Variants in SCUBE1 observed in about 807,000 individuals in gnomAD.
The protein encoded by SCUBE1 is signal peptide, CUB domain and EGF like domain containing 1, also known as signal peptide, CUB and EGF-like domain-containing protein 1.
In SCUBE1, 59 loss-of-function variants were observed where a neutral mutation model predicts 124.4. That is an observed-to-expected ratio of 0.47 (90% CI 0.38 to 0.59). SCUBE1 has a LOEUF of 0.59. Ranked by LOEUF, SCUBE1 falls within the 20% of genes least tolerant of loss-of-function variation. SCUBE1 has a pLI of 0.00. For missense variants in SCUBE1, 1,150 were observed against 1,371.2 expected (o/e 0.84, Z 2.55); for synonymous variants, 545 against 550.9 (o/e 0.99, Z 0.15).
At chr22:43,342,441 G>C (rs73166125) in intron 1 of SCUBE1, among the ~76,000 whole-genome samples, 15 of 151,990 alleles carry the variant, frequency 9.9e-5, no homozygotes, top group African/African-American at 3.6e-4. Flanking sequence ...GACGGTCCCG[G>C]TCCCTCGTCT....
rs1456363436 is a variant in SCUBE1, at chr22:43,258,815, T to C, written c.611-480A>G. 6.6e-6 allele frequency among the ~76,000 whole-genome samples: 1 copy of C among 152,144 alleles called. No individual in the cohort carries two copies. Among genetic ancestry groups the C allele is most frequent in the Admixed American group, 6.5e-5 (1 of 15,276 alleles). On this transcript the variant is annotated intron_variant, in intron 5 of 21. Coordinates refer to ENST00000360835, the MANE Select transcript of SCUBE1 (RefSeq NM_173050.5). This position sits in a 1 kb window ranked among gnomAD's most constrained non-coding sequence, Gnocchi z 5.0. ...AGAGCTTTCCTTCCTCTGCCTGTCT[T>C]GGGGTGTGTGGATGTCTCCACGGAG...
chr22:43,211,228 C>T lies in SCUBE1; in HGVS notation c.2222-145G>A. The T allele has an allele frequency of 6.4e-6, 5 of 776,156 alleles. No individual in the cohort carries two copies. The South Asian group carries it at 7.2e-5, about 11-fold the overall frequency. 48.1% of individuals were successfully genotyped at this position (776,156 alleles called of 1,614,324 possible). ...GCTCCTCCCCACCGCCCCATGACCTCCCACCACCCTCACTCCGCCATGGCC... is the reference window on the plus strand; with the variant it reads ...GCTCCTCCCCACCGCCCCATGACCTTCCACCACCCTCACTCCGCCATGGCC... On this transcript the variant is annotated intron_variant, in intron 17 of 21. Transcript: ENST00000360835. The surrounding 1 kb of genome is among the most constrained non-coding windows in gnomAD (Gnocchi z 4.5).
chr22:43,306,015 T>A (rs1362582072), intron 3 of SCUBE1, among the ~76,000 whole-genome samples: 1 of 152,170 alleles, frequency 6.6e-6, no homozygotes, highest in East Asian at 1.9e-4. Context: ...TAATGGCCAC[T>A]ATAAACAGCT....
At chr22:43,248,974 G>A (rs986866457) in intron 6 of SCUBE1, among the ~76,000 whole-genome samples, 2 of 152,192 alleles carry the variant, frequency 1.3e-5, no homozygotes, top group East Asian at 3.9e-4. Flanking sequence ...CCCTGAGGGG[G>A]GGCACCAAGC....
chr22:43,315,985 G>T (rs924469034), intron 3 of SCUBE1, among the ~76,000 whole-genome samples: 2 of 152,138 alleles, frequency 1.3e-5, no homozygotes, highest in Non-Finnish European at 2.9e-5. Context: ...AGAGTTCCAC[G>T]TGTCAGGCAC....
chr22:43,231,846 C>T lies in SCUBE1; in HGVS notation c.874G>A (p.Gly292Ser), dbSNP rs369749074. The T allele has an allele frequency of 6.1e-5, 99 of 1,613,548 alleles. No individual in the cohort carries two copies. The highest frequency in any genetic ancestry group is 8.1e-5 in the Non-Finnish European group (96 of 1,179,868). Residue 292 changes from glycine to serine, a missense_variant, in exon 8 of 22, where the codon GGC becomes AGC. Gly to Ser is a moderately conservative substitution (Grantham distance 56, BLOSUM62 0). Coordinates refer to ENST00000360835, the MANE Select transcript of SCUBE1 (RefSeq NM_173050.5). ...DINECLVNNGGCDHFCRNTVG... is the reference protein window; with the variant it reads ...DINECLVNNGSCDHFCRNTVG... Reference sequence around the variant, plus strand: ...GTGTTGCGGCAGAAGTGGTCGCAGCCTCCGTTGTTGACCAGGCACTCGTTG... The same window carrying T: ...GTGTTGCGGCAGAAGTGGTCGCAGCTTCCGTTGTTGACCAGGCACTCGTTG...
At chr22:43,206,972 G>C (rs1169430429) in intron 21 of SCUBE1, among the ~76,000 whole-genome samples, 1 of 152,162 alleles carries the variant, frequency 6.6e-6, no homozygotes, top group Non-Finnish European at 1.5e-5. Context: ...GACAGCGGGA[G>C]CGTTCCAGCC....
chr22:43,296,421 G>A (rs1022659782), intron 3 of SCUBE1, among the ~76,000 whole-genome samples: 10 of 152,258 alleles, frequency 6.6e-5, no homozygotes, highest in African/African-American at 2.4e-5. Flanking sequence ...CCTGCTGGCA[G>A]CTCATGGTCC....
At chr22:43,280,838 TTTGGC>T (rs1178547180) in intron 4 of SCUBE1, among the ~76,000 whole-genome samples, 2 of 75,934 alleles carry the variant, frequency 2.6e-5, no homozygotes, top group Non-Finnish European at 5.4e-5. Flanking sequence ...CACCTCCCTC[TTTGGC>T]CACCCTCCTG....
chr22:43,297,343 C>T (rs1371189614), intron 3 of SCUBE1, among the ~76,000 whole-genome samples: 1 of 152,238 alleles, frequency 6.6e-6, no homozygotes, highest in African/African-American at 2.4e-5. Flanking sequence ...CTGGCTGGAA[C>T]AGGACATGGC....
intron 14 of SCUBE1, 77 bp from the exon 15 acceptor site, chr22:43,218,535 C>A: frequency 6.7e-7 from 1 of 1,501,042 alleles, no homozygotes; most frequent in East Asian, 2.3e-5. Context: ...AGGGCTCCCC[C>A]GTGCCAGGCC....
chr22:43,217,575 T>C (rs1305606857), intron 15 of SCUBE1, among the ~76,000 whole-genome samples: 1 of 152,190 alleles, frequency 6.6e-6, no homozygotes, highest in African/African-American at 2.4e-5. Context: ...TAAGCATTCC[T>C]ATGGCTCCCC....
intron 7 of SCUBE1, chr22:43,232,199 G>A (rs767519581): frequency 7.8e-5 from 24 of 306,862 alleles, no homozygotes; most frequent in Non-Finnish European, 1.5e-4. Flanking sequence ...CAGGGACAGC[G>A]ACTCTCCCAT....
chr22:43,306,221 C>T (rs1925964121), intron 3 of SCUBE1, among the ~76,000 whole-genome samples: 1 of 152,214 alleles, frequency 6.6e-6, no homozygotes, highest in Admixed American at 6.5e-5. Flanking sequence ...CCTTTTAGGG[C>T]CACGGCTCCG....
At chr22:43,328,419 G>T (rs918978155) in intron 2 of SCUBE1, among the ~76,000 whole-genome samples, 1 of 152,114 alleles carries the variant, frequency 6.6e-6, no homozygotes, top group African/African-American at 2.4e-5. Flanking sequence ...CCAAGGGGAG[G>T]CCCGAGACCC....
At chr22:43,208,944 G>A (rs1177285309) in intron 19 of SCUBE1, among the ~76,000 whole-genome samples, 1 of 152,124 alleles carries the variant, frequency 6.6e-6, no homozygotes, top group African/African-American at 2.4e-5. Flanking sequence ...GCCCTTCATG[G>A]GGGACAGGCT....
At chr22:43,206,810 G>A (rs1921307896) in intron 21 of SCUBE1, among the ~76,000 whole-genome samples, 1 of 152,152 alleles carries the variant, frequency 6.6e-6, no homozygotes, top group Non-Finnish European at 1.5e-5. Context: ...AGAGATTGCG[G>A]GGAGAGAGCC....
At chr22:43,260,314 G>A (rs939198444) in intron 5 of SCUBE1, among the ~76,000 whole-genome samples, 3 of 152,224 alleles carry the variant, frequency 2.0e-5, no homozygotes, top group East Asian at 1.9e-4. Flanking sequence ...TCGAGCCTTC[G>A]AATACCGGAG....
At chr22:43,286,668 G>T (rs1925158286) in intron 4 of SCUBE1, among the ~76,000 whole-genome samples, 1 of 152,194 alleles carries the variant, frequency 6.6e-6, no homozygotes, top group Non-Finnish European at 1.5e-5. Context: ...GACTGTACAG[G>T]AACTCTTAGG....
Sources: allele counts gnomAD v4.1 joint callset (sites outside exome capture counted in the v4.1 genomes callset), GRCh38; gene constraint gnomAD v4.1.1; non-coding constraint Gnocchi (gnomAD v3.1); transcripts MANE v1.5; gene names NCBI Gene and HGNC (gene_info 2026-07-23, HGNC 2026-07-21).